DCTN5: variants seen among roughly 807,000 people sequenced by gnomAD.
The protein encoded by DCTN5 is dynactin 4.
DCTN5 carries 14 observed loss-of-function variants against 23.5 expected under a neutral mutation model. The observed-to-expected ratio is 0.60, with a 90% CI of 0.39 to 0.93. DCTN5 has a LOEUF of 0.93. Among genes scored for constraint, DCTN5 ranks in the 40% least tolerant of loss-of-function variants. DCTN5 has a pLI of 0.00. For synonymous variants in DCTN5, 67 were observed against 79.6 expected (o/e 0.84, Z 0.84); for missense variants, 156 against 225.9 (o/e 0.69, Z 1.98).
intron 2 of DCTN5, among the ~76,000 whole-genome samples, chr16:23,649,837 C>CAAAA (rs1175500177): frequency 1.8e-5 from 1 of 55,938 alleles, no homozygotes; most frequent in African/African-American, 5.5e-5. Flanking sequence ...GACTCTGTCT[C>CAAAA]AAAAAAAAAA....
chr16:23,645,156 C>T (rs1387259535), intron 2 of DCTN5, among the ~76,000 whole-genome samples: 7 of 52,676 alleles, frequency 1.3e-4, no homozygotes, highest in East Asian at 9.1e-4. Flanking sequence ...TTTTTTAATA[C>T]GCAGTTTTGC....
intron 2 of DCTN5, among the ~76,000 whole-genome samples, chr16:23,646,217 G>A (rs1396721874): frequency 6.6e-6 from 1 of 151,854 alleles, no homozygotes; most frequent in African/African-American, 2.4e-5. Flanking sequence ...GTTGCTTGTT[G>A]GTCATCTGTA....
chr16:23,649,080 G>A (rs966223113), intron 2 of DCTN5, among the ~76,000 whole-genome samples: 2 of 151,972 alleles, frequency 1.3e-5, no homozygotes, highest in African/African-American at 2.4e-5. Flanking sequence ...GGCTGGTCTC[G>A]AACTCCTGAC....
chr16:23,647,051 C>T (rs1967477262), intron 2 of DCTN5, among the ~76,000 whole-genome samples: 1 of 151,894 alleles, frequency 6.6e-6, no homozygotes, highest in Non-Finnish European at 1.5e-5. Flanking sequence ...TGTGAACTCT[C>T]AATTCTATTT....
At chr16:23,643,486 C>T (rs1288581818) in intron 2 of DCTN5, among the ~76,000 whole-genome samples, 3 of 152,044 alleles carry the variant, frequency 2.0e-5, no homozygotes, top group African/African-American at 7.2e-5. Flanking sequence ...AGCCACTGCA[C>T]CCAGCCTAAG....
intron 2 of DCTN5, among the ~76,000 whole-genome samples, chr16:23,653,731 C>T (rs191113385): frequency 2.0e-5 from 3 of 152,276 alleles, no homozygotes; most frequent in Non-Finnish European, 4.4e-5. Context: ...CGCTTCTGCA[C>T]AGCAAAAGAA....
chr16:23,665,498 AG>A, intron 4 of DCTN5, 127 bp from the exon 5 acceptor site: 1 of 773,948 alleles, frequency 1.3e-6, no homozygotes. Flanking sequence ...CACCTGAAGC[AG>A]GAAGTTGCAA....
In DCTN5 at chr16:23,668,702, C is replaced by G. The variant is rs1967951166; in HGVS notation, c.*1558C>G. Reference sequence around the variant, plus strand: ...AGACTCAACCAGGCCTCTTTGTTGGCTTCCTTTCCTCCTGCTGCACATGAG... The same window carrying G: ...AGACTCAACCAGGCCTCTTTGTTGGGTTCCTTTCCTCCTGCTGCACATGAG... On this transcript the variant is annotated 3_prime_UTR_variant, in exon 6 of 6. Transcript: ENST00000300087. The G allele has an allele frequency of 6.6e-6, 1 of 152,230 alleles. No individual in the cohort carries two copies. The highest frequency in any genetic ancestry group is 6.5e-5 in the Admixed American group (1 of 15,288). The allele number at this position is 152,230 out of a possible 1,614,324, so 9.4% of individuals were successfully genotyped here. A position where few individuals can be genotyped will look rare whatever the true frequency, so the allele number is the denominator to read the frequency against.
intron 4 of DCTN5, 147 bp downstream of exon 4, chr16:23,661,428 A>C: frequency 1.7e-6 from 1 of 582,244 alleles, no homozygotes; most frequent in Non-Finnish European, 3.0e-6. Flanking sequence ...ACAGATATGG[A>C]ATTTTTTCAG....
At chr16:23,642,703 T>A in intron 1 of DCTN5, 1 of 448,490 alleles carries the variant, frequency 2.2e-6, no homozygotes, top group Non-Finnish European at 4.0e-6. Flanking sequence ...CCTAGGCTGG[T>A]CTTGAGCTCC....
At chr16:23,645,153 A>G (rs1352968857) in intron 2 of DCTN5, among the ~76,000 whole-genome samples, 1 of 39,394 alleles carries the variant, frequency 2.5e-5, no homozygotes, top group Admixed American at 3.1e-4. Context: ...TTTTTTTTTA[A>G]TACGCAGTTT....
chr16:23,656,448 G>A (rs1378558702), intron 2 of DCTN5, among the ~76,000 whole-genome samples: 1 of 152,012 alleles, frequency 6.6e-6, no homozygotes, highest in Non-Finnish European at 1.5e-5. Context: ...ATCTGTAACA[G>A]TTCTCTTTCC....
At chr16:23,650,654 A>T in intron 2 of DCTN5, 1 of 1,145,542 alleles carries the variant, frequency 8.7e-7, no homozygotes, top group Non-Finnish European at 1.2e-6. Flanking sequence ...ACTGCTGTGT[A>T]CAATTCCACT....
intron 2 of DCTN5, among the ~76,000 whole-genome samples, chr16:23,646,059 G>C (rs954108725): frequency 2.0e-5 from 3 of 152,130 alleles, no homozygotes; most frequent in Admixed American, 6.5e-5. Flanking sequence ...GCATTGTGCA[G>C]GGTTCCAATT....
At chr16:23,658,714 A>G (rs1967757389) in intron 3 of DCTN5, 89 bp downstream of exon 3, 3 of 970,286 alleles carry the variant, frequency 3.1e-6, no homozygotes, top group African/African-American at 1.6e-5. Flanking sequence ...TATAATGACT[A>G]GGTCTGTCCT....
At chr16:23,664,525 A>G (rs1967871060) in intron 4 of DCTN5, among the ~76,000 whole-genome samples, 1 of 152,246 alleles carries the variant, frequency 6.6e-6, no homozygotes, top group African/African-American at 2.4e-5. Context: ...CTGATTGTCT[A>G]GCCAGGATAC....
At chr16:23,648,033 T>C (rs1412086159) in intron 2 of DCTN5, among the ~76,000 whole-genome samples, 2 of 152,202 alleles carry the variant, frequency 1.3e-5, no homozygotes, top group South Asian at 2.1e-4. Context: ...TGATTTTGTG[T>C]CTTATAAATT....
rs1432540528 is a variant in DCTN5, at chr16:23,671,140, T to C, written c.*3996T>C. The C allele has an allele frequency of 6.6e-6, 1 of 152,196 alleles. No individual in the cohort carries two copies. The highest frequency in any genetic ancestry group is 2.4e-5 in the African/African-American group (1 of 41,442). 9.4% of individuals were successfully genotyped at this position (152,196 alleles called of 1,614,324 possible). A position where few individuals can be genotyped will look rare whatever the true frequency, so the allele number is the denominator to read the frequency against. On this transcript the variant is annotated 3_prime_UTR_variant, in exon 6 of 6. Coordinates refer to ENST00000300087, the MANE Select transcript of DCTN5 (RefSeq NM_032486.4). ...GGCTGATCAAATCCCAGCCTGCCAT[T>C]GGCTAGCCTTGTGACTTTGAGCAAG...
intron 2 of DCTN5, chr16:23,650,923 T>A: frequency 7.1e-7 from 1 of 1,400,652 alleles, no homozygotes; most frequent in Non-Finnish European, 9.8e-7. Flanking sequence ...GTTGTTACTG[T>A]GTGGGAATAC....
Sources: gnomAD v4.1 joint callset for allele counts (sites outside exome capture counted in the v4.1 genomes callset) on GRCh38, gnomAD v4.1.1 for gene constraint, MANE v1.5 for transcripts, NCBI Gene and HGNC (gene_info 2026-07-23, HGNC 2026-07-21) for gene names.